The following ZNG1B variants were observed in gnomAD, a reference collection of about 807,000 sequenced individuals.
ZNG1B encodes the protein zinc-regulated GTPase metalloprotein activator 1B.
the ZNG1B span, among the ~76,000 whole-genome samples, chr2:113,487,591 T>C: frequency 2.6e-5 from 4 of 151,690 alleles, no homozygotes; most frequent in African/African-American, 9.7e-5. Flanking sequence ...TGATGAGTTT[T>C]ACTGTTTTAG....
chr2:113,462,228 C>T, the ZNG1B span, among the ~76,000 whole-genome samples: 10 of 152,290 alleles, frequency 6.6e-5, no homozygotes, highest in East Asian at 9.6e-4. Flanking sequence ...GAACAATTAG[C>T]GGATTAGGAG....
At chr2:113,479,045 C>T in the ZNG1B span, among the ~76,000 whole-genome samples, 10 of 152,060 alleles carry the variant, frequency 6.6e-5, no homozygotes, top group African/African-American at 1.4e-4. Context: ...AGGGTATTTT[C>T]GGAGTACCTG....
At chr2:113,476,507 C>A in the ZNG1B span, among the ~76,000 whole-genome samples, 7 of 149,684 alleles carry the variant, frequency 4.7e-5, no homozygotes, top group African/African-American at 1.8e-4. Flanking sequence ...GTCATTCTCC[C>A]TCCAGCTTTG....
chr2:113,462,109 C>G, the ZNG1B span, among the ~76,000 whole-genome samples: 1 of 152,114 alleles, frequency 6.6e-6, no homozygotes, highest in Non-Finnish European at 1.5e-5. Flanking sequence ...CTTTTTGAGA[C>G]TTATCTTTGT....
the ZNG1B span, chr2:113,444,184 G>A: frequency 2.2e-6 from 1 of 461,012 alleles, no homozygotes; most frequent in South Asian, 2.5e-5. Context: ...ATATTTCTAA[G>A]TGTTCAACCT....
chr2:113,460,534 T>C, the ZNG1B span: 2 of 1,306,286 alleles, frequency 1.5e-6, no homozygotes, highest in Non-Finnish European at 2.1e-6. Flanking sequence ...AAGTTAGTTT[T>C]GGATTTGTGT....
At chr2:113,478,812 G>A in the ZNG1B span, among the ~76,000 whole-genome samples, 1 of 151,738 alleles carries the variant, frequency 6.6e-6, no homozygotes, top group Non-Finnish European at 1.5e-5. Flanking sequence ...AAGAAAGAAA[G>A]AAAAAAGAAA....
chr2:113,473,523 G>A, the ZNG1B span, among the ~76,000 whole-genome samples: 1 of 151,650 alleles, frequency 6.6e-6, no homozygotes, highest in Non-Finnish European at 1.5e-5. Context: ...CCAACACTAT[G>A]TTGAATAGGA....
the ZNG1B span, among the ~76,000 whole-genome samples, chr2:113,479,110 T>C: frequency 1.3e-5 from 2 of 150,010 alleles, no homozygotes; most frequent in South Asian, 2.1e-4. Flanking sequence ...ACAGGAAAGT[T>C]TGGTATACCT....
the ZNG1B span, among the ~76,000 whole-genome samples, chr2:113,481,139 A>G: frequency 5.4e-4 from 79 of 147,028 alleles, 1 homozygote; most frequent in Admixed American, 4.5e-3. Context: ...TCATTGTCCA[A>G]CAACATTAAA....
chr2:113,456,010 G>T, the ZNG1B span, among the ~76,000 whole-genome samples: 1 of 151,672 alleles, frequency 6.6e-6, no homozygotes, highest in Non-Finnish European at 1.5e-5. Flanking sequence ...GAGCCACCAC[G>T]CCCGGCCTGA....
At chr2:113,443,040 G>A in the ZNG1B span, among the ~76,000 whole-genome samples, 7 of 151,324 alleles carry the variant, frequency 4.6e-5, no homozygotes, top group South Asian at 1.5e-3. Context: ...ACAGTCTCGG[G>A]TCACTGCAAC....
the ZNG1B span, among the ~76,000 whole-genome samples, chr2:113,491,475 T>C: frequency 4.3e-5 from 5 of 115,706 alleles, no homozygotes; most frequent in South Asian, 3.5e-4. Flanking sequence ...TCCTCCTCTC[T>C]CACTGTATAC....
At chr2:113,439,105 G>A in the ZNG1B span, 31 of 1,535,172 alleles carry the variant, frequency 2.0e-5, no homozygotes, top group Non-Finnish European at 2.5e-5. Context: ...GGCCTTTCCC[G>A]TATTGCTCAC....
the ZNG1B span, among the ~76,000 whole-genome samples, chr2:113,490,679 A>C: frequency 6.6e-6 from 1 of 152,190 alleles, no homozygotes; most frequent in Non-Finnish European, 1.5e-5. Flanking sequence ...AATACAAAAG[A>C]TATTCAAGGC....
At chr2:113,471,715 G>A in the ZNG1B span, among the ~76,000 whole-genome samples, 2 of 144,506 alleles carry the variant, frequency 1.4e-5, no homozygotes, top group South Asian at 2.2e-4. Context: ...TCCCACCTAT[G>A]AGTGAGAATA....
the ZNG1B span, among the ~76,000 whole-genome samples, chr2:113,443,391 T>A: frequency 1.3e-5 from 2 of 151,606 alleles, no homozygotes; most frequent in Non-Finnish European, 2.9e-5. Flanking sequence ...TCTTAAGAGG[T>A]TGAAGGGCAT....
chr2:113,492,237 C>CTT, the ZNG1B span, among the ~76,000 whole-genome samples: 1 of 139,776 alleles, frequency 7.2e-6, no homozygotes, highest in African/African-American at 2.6e-5. Context: ...TGGAAGCAAC[C>CTT]CAAATGCCCA....
the ZNG1B span, among the ~76,000 whole-genome samples, chr2:113,453,650 G>A: frequency 1.3e-5 from 2 of 150,822 alleles, no homozygotes; most frequent in Admixed American, 6.6e-5. Context: ...TCACACTTTA[G>A]TTTAATGATG....
Sources: allele counts gnomAD v4.1 joint callset (sites outside exome capture counted in the v4.1 genomes callset), GRCh38; gene constraint gnomAD v4.1.1; transcripts MANE v1.5; gene names NCBI Gene and HGNC (gene_info 2026-07-23, HGNC 2026-07-21).